COL5A1: variants seen among roughly 807,000 people sequenced by gnomAD.
COL5A1 encodes collagen alpha-1(V) chain.
A neutral mutation model predicts 263.7 loss-of-function variants in COL5A1; 16 were observed. The observed-to-expected ratio is 0.06, with a 90% CI of 0.04 to 0.09. COL5A1 has a LOEUF of 0.09. COL5A1 is among the 10% of genes least tolerant of loss of function. COL5A1 has a pLI of 1.00. For synonymous variants in COL5A1, 1,012 were observed against 1,004.5 expected (o/e 1.01, Z -0.14); for missense variants, 2,036 against 2,540.5 (o/e 0.80, Z 4.27).
intron 37 of COL5A1, among the ~76,000 whole-genome samples, chr9:134,801,742 G>A (rs965383086): frequency 5.3e-5 from 8 of 151,158 alleles, no homozygotes; most frequent in Non-Finnish European, 8.8e-5. Flanking sequence ...ACCCAAGATC[G>A]AGCCACTGCA....
chr9:134,820,849 T>C (rs544397427), intron 58 of COL5A1, among the ~76,000 whole-genome samples: 1 of 152,112 alleles, frequency 6.6e-6, no homozygotes, highest in East Asian at 1.9e-4. Context: ...GGGCCACGGG[T>C]CCTTATTCCT....
chr9:134,796,506 C>T, intron 35 of COL5A1, 88 bp downstream of exon 35: 4 of 1,356,986 alleles, frequency 2.9e-6, no homozygotes, highest in Non-Finnish European at 4.2e-6. Flanking sequence ...GGGCTGGGGC[C>T]AGGGAGGCAC....
chr9:134,653,950 G>T (rs374563377), intron 1 of COL5A1, among the ~76,000 whole-genome samples: 1 of 143,608 alleles, frequency 7.0e-6, no homozygotes, highest in African/African-American at 2.9e-5. Context: ...GGCTGGAGGT[G>T]TGTAGGGCTG....
chr9:134,776,664 G>A (rs181765276), intron 27 of COL5A1, among the ~76,000 whole-genome samples: 434 of 152,330 alleles, frequency 2.8e-3, no homozygotes, highest in Non-Finnish European at 3.1e-3. Context: ...GAGGGGGCCC[G>A]TTATTTTCCA....
chr9:134,744,037 A>G (rs1280328806), intron 11 of COL5A1, among the ~76,000 whole-genome samples: 1 of 152,268 alleles, frequency 6.6e-6, no homozygotes, highest in East Asian at 1.9e-4. Flanking sequence ...AGGCTAGATC[A>G]CTGGCAACTT....
At chr9:134,812,755 G>C in intron 48 of COL5A1, 43 bp downstream of exon 48, 1 of 1,339,368 alleles carries the variant, frequency 7.5e-7, no homozygotes, top group Non-Finnish European at 1.0e-6. Context: ...GCGGTTGTTT[G>C]AGGAGTGTGT....
chr9:134,750,359 GCCGTGC>G (rs1835729130), intron 11 of COL5A1, among the ~76,000 whole-genome samples, 177 bp from the exon 12 acceptor site: 1 of 152,162 alleles, frequency 6.6e-6, no homozygotes, highest in Non-Finnish European at 1.5e-5. Flanking sequence ...TCAGCCCACA[GCCGTGC>G]CCCTCCCTTC....
intron 39 of COL5A1, among the ~76,000 whole-genome samples, chr9:134,804,489 A>G (rs1838223443): frequency 6.6e-6 from 1 of 152,224 alleles, no homozygotes; most frequent in Non-Finnish European, 1.5e-5. Flanking sequence ...ACGGTCTTAC[A>G]AGGAGCCCCA....
chr9:134,762,384 G>A (rs1348282599), intron 19 of COL5A1, among the ~76,000 whole-genome samples: 1 of 152,240 alleles, frequency 6.6e-6, no homozygotes, highest in Non-Finnish European at 1.5e-5. Flanking sequence ...CTGAGATTTG[G>A]AGGAGCAGAA....
intron 4 of COL5A1, among the ~76,000 whole-genome samples, chr9:134,705,380 C>G (rs904635440): frequency 6.6e-6 from 1 of 152,256 alleles, no homozygotes; most frequent in African/African-American, 2.4e-5. Context: ...CGCCTGCAGA[C>G]CAGGCCCTCA....
rs1836632282 is a variant in COL5A1, at chr9:134,765,601, G to T, written c.2035-80G>T. The T allele has an allele frequency of 2.3e-6, 3 of 1,324,598 alleles. No homozygotes were observed. The highest frequency in any genetic ancestry group is 3.3e-6 in the Non-Finnish European group (3 of 919,094). 82.1% of individuals were successfully genotyped at this position (1,324,598 alleles called of 1,614,324 possible). On this transcript the variant is annotated intron_variant, in intron 20 of 65. Transcript: ENST00000371817. This position sits in a 1 kb window ranked among gnomAD's most constrained non-coding sequence, Gnocchi z 5.1. ...AGCTGGGGTTCTGGGTGGAGTCAGG[G>T]CCAAGTGGGCATAGGGGACAGAGAG...
intron 32 of COL5A1, among the ~76,000 whole-genome samples, chr9:134,793,739 C>T (rs1837799901): frequency 6.6e-6 from 1 of 152,134 alleles, no homozygotes; most frequent in South Asian, 2.1e-4. Flanking sequence ...GGCATCCTCG[C>T]CTGTAGAACG....
chr9:134,687,845 C>T (rs1324210230), intron 1 of COL5A1, among the ~76,000 whole-genome samples: 1 of 152,166 alleles, frequency 6.6e-6, no homozygotes, highest in African/African-American at 2.4e-5. Context: ...GGCCAGTGTG[C>T]GGTGGCCACT....
chr9:134,725,168 C>T (rs1207958931), intron 4 of COL5A1, among the ~76,000 whole-genome samples: 2 of 152,128 alleles, frequency 1.3e-5, no homozygotes, highest in Non-Finnish European at 2.9e-5. Context: ...AGTTCTTTTC[C>T]CTCCCTTGAG....
At chr9:134,793,777 C>T (rs73664143) in intron 32 of COL5A1, among the ~76,000 whole-genome samples, 44 of 152,224 alleles carry the variant, frequency 2.9e-4, no homozygotes, top group South Asian at 1.2e-3. Flanking sequence ...GCAGATGTTT[C>T]GTTAATTTTC....
chr9:134,801,164 A>C (rs1446059012), intron 37 of COL5A1, among the ~76,000 whole-genome samples: 3 of 152,242 alleles, frequency 2.0e-5, no homozygotes, highest in African/African-American at 7.2e-5. Flanking sequence ...CGGGCGTGAG[A>C]TATTCCCGCT....
chr9:134,788,417 C>T (rs143517783), intron 31 of COL5A1, among the ~76,000 whole-genome samples: 2 of 142,608 alleles, frequency 1.4e-5, no homozygotes, highest in East Asian at 2.2e-4. Flanking sequence ...GGTAGACAGG[C>T]AAATGGATGA....
At chr9:134,811,263 A>G in intron 44 of COL5A1, 76 bp from the exon 45 acceptor site, 2 of 1,370,278 alleles carry the variant, frequency 1.5e-6, no homozygotes, top group Non-Finnish European at 2.1e-6. Context: ...CCCCGGGCTC[A>G]GGATGCGGTC....
intron 11 of COL5A1, among the ~76,000 whole-genome samples, chr9:134,748,913 G>C (rs994550660): frequency 6.6e-6 from 1 of 152,198 alleles, no homozygotes; most frequent in Non-Finnish European, 1.5e-5. Context: ...GATTTCAAGA[G>C]CAAATTGCAG....
Sources: allele counts gnomAD v4.1 joint callset (sites outside exome capture counted in the v4.1 genomes callset), GRCh38; gene constraint gnomAD v4.1.1; non-coding constraint Gnocchi (gnomAD v3.1); transcripts MANE v1.5; gene names NCBI Gene and HGNC (gene_info 2026-07-23, HGNC 2026-07-21).